Variants in AGBL1 observed in about 807,000 individuals in gnomAD.
AGBL1 encodes cytosolic carboxypeptidase 4.
Under a neutral mutation model 118.9 loss-of-function variants are expected in AGBL1, and 130 were observed. That is an observed-to-expected ratio of 1.09 (90% confidence interval 0.95 to 1.26). AGBL1 has a LOEUF of 1.26. AGBL1 is among the 50% of genes most tolerant of loss of function. The pLI, the probability that AGBL1 is intolerant of heterozygous loss-of-function variation, is 0.00. For missense variants in AGBL1, 1,584 were observed against 1,298.1 expected (o/e 1.22, Z -3.38); for synonymous variants, 555 against 478.9 (o/e 1.16, Z -2.08).
At chr15:86,327,200 G>A (rs772366762) in intron 17 of AGBL1, among the ~76,000 whole-genome samples, 7 of 152,126 alleles carry the variant, frequency 4.6e-5, no homozygotes, top group African/African-American at 7.2e-5. Context: ...GTCAATGTGC[G>A]GACTGACCCA....
intron 7 of AGBL1, 47 bp from the exon 8 acceptor site, chr15:86,256,806 G>A (rs770154337): frequency 1.0e-5 from 16 of 1,599,750 alleles, no homozygotes; most frequent in Non-Finnish European, 1.4e-5. Context: ...ACAGCTAGGG[G>A]ACTGTGCCCA....
intron 23 of AGBL1, among the ~76,000 whole-genome samples, chr15:86,970,909 C>T (rs2081101811): frequency 6.6e-6 from 1 of 151,934 alleles, no homozygotes; most frequent in South Asian, 2.1e-4. Flanking sequence ...CAAATAAGAT[C>T]AATACATTTA....
intron 5 of AGBL1, among the ~76,000 whole-genome samples, chr15:86,165,547 T>C (rs1208598131): frequency 6.6e-6 from 1 of 152,194 alleles, no homozygotes; most frequent in Non-Finnish European, 1.5e-5. Context: ...TACTCTTCAC[T>C]GAGACAATGG....
intron 1 of AGBL1, among the ~76,000 whole-genome samples, chr15:86,122,628 C>G (rs1898155391): frequency 6.6e-6 from 1 of 152,068 alleles, no homozygotes; most frequent in African/African-American, 2.4e-5. Context: ...TCAGACTAAC[C>G]CAACTGGGGG....
intron 1 of AGBL1, among the ~76,000 whole-genome samples, chr15:86,139,425 G>C (rs953849651): frequency 6.6e-6 from 1 of 152,228 alleles, no homozygotes; most frequent in South Asian, 2.1e-4. Context: ...GTTCTTGTCA[G>C]TCAGGGAAGT....
intron 5 of AGBL1, among the ~76,000 whole-genome samples, chr15:86,164,590 A>C (rs2077311637): frequency 6.6e-6 from 1 of 152,182 alleles, no homozygotes; most frequent in Non-Finnish European, 1.5e-5. Context: ...CCTTTTCCAA[A>C]GTACAGCCAC....
chr15:86,518,583 C>A (rs1046847352), intron 18 of AGBL1, among the ~76,000 whole-genome samples: 2 of 152,018 alleles, frequency 1.3e-5, no homozygotes, highest in Non-Finnish European at 2.9e-5. Flanking sequence ...ATATGCCCCA[C>A]AAAAACCTCA....
At chr15:86,356,382 G>A (rs942085969) in intron 17 of AGBL1, among the ~76,000 whole-genome samples, 1 of 152,046 alleles carries the variant, frequency 6.6e-6, no homozygotes, top group Non-Finnish European at 1.5e-5. Context: ...GCACGCGCAT[G>A]TGTCAGAGAA....
At chr15:86,746,594 A>G (rs1297691437) in intron 22 of AGBL1, among the ~76,000 whole-genome samples, 1 of 152,096 alleles carries the variant, frequency 6.6e-6, no homozygotes, top group African/African-American at 2.4e-5. Flanking sequence ...TCTGATTTAC[A>G]TTATATCCCC....
chr15:86,858,725 T>A (rs1277651623), intron 22 of AGBL1, among the ~76,000 whole-genome samples: 1 of 151,988 alleles, frequency 6.6e-6, no homozygotes, highest in African/African-American at 2.4e-5. Context: ...CTACGGAATG[T>A]TGGAAAGTGC....
At chr15:86,362,670 T>C (rs1422692082) in intron 17 of AGBL1, among the ~76,000 whole-genome samples, 2 of 152,200 alleles carry the variant, frequency 1.3e-5, no homozygotes, top group Non-Finnish European at 2.9e-5. Context: ...TGGGAGGGCC[T>C]GCCACAAGAA....
At chr15:86,124,383 A>G (rs866320301) in intron 1 of AGBL1, among the ~76,000 whole-genome samples, 3 of 151,742 alleles carry the variant, frequency 2.0e-5, no homozygotes, top group Non-Finnish European at 2.9e-5. Flanking sequence ...AAAACAAAAT[A>G]CCAAAAAAAT....
intron 13 of AGBL1, among the ~76,000 whole-genome samples, chr15:86,268,380 C>G (rs993821750): frequency 6.6e-5 from 10 of 152,264 alleles, no homozygotes; most frequent in Admixed American, 4.6e-4. Flanking sequence ...CCTGCTTTTA[C>G]TATTTCTTCT....
At chr15:86,748,229 G>A (rs577489818) in intron 22 of AGBL1, among the ~76,000 whole-genome samples, 2 of 152,306 alleles carry the variant, frequency 1.3e-5, no homozygotes, top group South Asian at 4.1e-4. Flanking sequence ...CTGATGGCCA[G>A]TGATGATGAG....
rs932112467 is a variant in AGBL1, at chr15:86,268,146, T to TG, written c.1838+1071dup. 3.3e-5 allele frequency among the ~76,000 whole-genome samples: 5 copies of TG among 152,226 alleles called. No homozygotes were observed. In the East Asian group the frequency reaches 5.8e-4, roughly 18 times the overall value. ...GTTGGAGCTCAGAATTCAGTATAGC[T>TG]GAGACCTCCCTCATATCCACCTGAT... On this transcript the variant is annotated intron_variant, in intron 13 of 22. Transcript: ENST00000614907.
At chr15:86,884,578 G>A (rs976476126) in intron 22 of AGBL1, among the ~76,000 whole-genome samples, 3 of 152,170 alleles carry the variant, frequency 2.0e-5, no homozygotes, top group South Asian at 2.1e-4. Flanking sequence ...TTGGGAGGCC[G>A]AGGCAGGCAG....
chr15:86,098,709 G>T (rs1157978879), intron 1 of AGBL1, among the ~76,000 whole-genome samples: 1 of 152,034 alleles, frequency 6.6e-6, no homozygotes, highest in African/African-American at 2.4e-5. Flanking sequence ...TGTTTTGGTT[G>T]CTGTAACCTT....
intron 1 of AGBL1, among the ~76,000 whole-genome samples, chr15:86,086,590 A>G (rs747726254): frequency 4.6e-5 from 7 of 152,172 alleles, no homozygotes; most frequent in African/African-American, 1.2e-4. Context: ...TATGTGCTCA[A>G]TATGTCTCCC....
At chr15:86,110,359 T>C (rs1347827130) in intron 1 of AGBL1, among the ~76,000 whole-genome samples, 2 of 152,248 alleles carry the variant, frequency 1.3e-5, no homozygotes, top group Non-Finnish European at 2.9e-5. Flanking sequence ...ATGTTATATG[T>C]ATCGTATAGT....
Sources: gnomAD v4.1 joint callset for allele counts (sites outside exome capture counted in the v4.1 genomes callset) on GRCh38, gnomAD v4.1.1 for gene constraint, MANE v1.5 for transcripts, NCBI Gene and HGNC (gene_info 2026-07-23, HGNC 2026-07-21) for gene names.